The following TPPP3 variants were observed in gnomAD, a reference collection of about 807,000 sequenced individuals.
TPPP3 encodes the protein tubulin polymerization-promoting protein family member 3.
A neutral mutation model predicts 13.1 loss-of-function variants in TPPP3; 7 were observed. The observed-to-expected ratio is 0.54, with a 90% CI of 0.30 to 1.01. The LOEUF (loss-of-function observed/expected upper bound fraction) is 1.01, where lower values mean the gene tolerates loss of function less well. Among genes scored for constraint, TPPP3 ranks in the 50% least tolerant of loss-of-function variants. TPPP3 has a pLI of 0.06. For missense variants in TPPP3, 185 were observed against 235.0 expected, an observed-to-expected ratio of 0.79 and a Z score of 1.39; for synonymous variants, 87 against 93.7, an observed-to-expected ratio of 0.93 and a Z score of 0.41.
In TPPP3 at chr16:67,390,553, TC is replaced by T. The variant is rs746976818; in HGVS notation, c.267del (p.Lys90ArgfsTer33). 1 of 1,613,978 alleles carries T rather than the reference TC, an allele frequency of 6.2e-7. No individual in the cohort carries two copies. Among genetic ancestry groups the T allele is most frequent in the Non-Finnish European group, 8.5e-7 (1 of 1,180,010 alleles). On this transcript the variant is annotated frameshift_variant, in exon 3 of 4. Transcript: ENST00000393957. LOFTEE classifies it high-confidence loss of function. This position sits in a 1 kb window ranked among gnomAD's most constrained non-coding sequence, Gnocchi z 6.4. ...GCATCGAAGGCCTCCTCCTTGCTCTTCCCCTTGAATCTCTTGGTCGCCAGCT... is the reference window on the plus strand; with the variant it reads ...GCATCGAAGGCCTCCTCCTTGCTCTTCCCTTGAATCTCTTGGTCGCCAGCT... ...LEELATKRFK[G>X]KSKEEAFDAI...
In TPPP3 at chr16:67,392,817, TA is replaced by T; in HGVS notation, c.-7+562del. 1 of 287,406 alleles carries T rather than the reference TA, an allele frequency of 3.5e-6. No individual in the cohort carries two copies. The highest frequency in any genetic ancestry group is 5.2e-6 in the Non-Finnish European group (1 of 191,700). The allele number at this position is 287,406 out of a possible 1,614,324, so 17.8% of individuals were successfully genotyped here. A position where few individuals can be genotyped will look rare whatever the true frequency, so the allele number is the denominator to read the frequency against. ...TCGCCAGTGACCACACTCCCATCCC[TA>T]AGTGGCAGTTTCTGGGACTGTGAGC... On this transcript the variant is annotated intron_variant, in intron 1 of 3. Transcript: ENST00000393957. The surrounding 1 kb of genome is among the most constrained non-coding windows in gnomAD (Gnocchi z 4.9).
At position 67,391,216 on chromosome 16, in the gene TPPP3, G is replaced by A; in HGVS notation, c.-6-99C>T. ...TCTACCTCAAACCTGCAAGACCTGG[G>A]CAGGTTCTGCTACAGAGTTGGTGCT... On this transcript the variant is annotated intron_variant, in intron 1 of 3. Coordinates refer to ENST00000393957, the MANE Select transcript of TPPP3 (RefSeq NM_015964.4). The surrounding 1 kb of genome is among the most constrained non-coding windows in gnomAD (Gnocchi z 6.3). The A allele has an allele frequency of 1.6e-6, 2 of 1,258,692 alleles. No individual in the cohort carries two copies. The highest frequency in any genetic ancestry group is 1.4e-5 in the South Asian group (1 of 71,160). 78.0% of individuals were successfully genotyped at this position (1,258,692 alleles called of 1,614,324 possible). A position where few individuals can be genotyped will look rare whatever the true frequency, so the allele number is the denominator to read the frequency against.
In TPPP3 at chr16:67,390,763, G is replaced by A; in HGVS notation, c.189-131C>T. 6.9e-7 allele frequency: 1 copy of A among 1,448,252 alleles called. No homozygotes were observed. Among genetic ancestry groups the A allele is most frequent in the Non-Finnish European group, 9.2e-7 (1 of 1,081,810 alleles). The allele number at this position is 1,448,252 out of a possible 1,614,324, so 89.7% of individuals were successfully genotyped here. On this transcript the variant is annotated intron_variant, in intron 2 of 3. Coordinates refer to ENST00000393957, the MANE Select transcript of TPPP3 (RefSeq NM_015964.4). This position sits in a 1 kb window ranked among gnomAD's most constrained non-coding sequence, Gnocchi z 6.4. ...TCCCACGTTTGGGGAAGTCGCAGGG[G>A]TCAGCAACTCTGGAGGGCAATAGAT...
At position 67,390,711 on chromosome 16, in the gene TPPP3, A is replaced by C; in HGVS notation, c.189-79T>G. ...GGAAAGCTCAAACACATTTGCTGCC[A>C]CCACAAATTATGCAATTGCGTTTCT... On this transcript the variant is annotated intron_variant, in intron 2 of 3. Transcript: ENST00000393957. The surrounding 1 kb of genome is among the most constrained non-coding windows in gnomAD (Gnocchi z 6.4). 3 of 1,535,548 alleles carry C rather than the reference A, an allele frequency of 2.0e-6. No individual in the cohort carries two copies. The South Asian group carries it at 3.8e-5, about 19-fold the overall frequency.
Position 67,390,635 on chromosome 16 carries a change from G to C in TPPP3, c.189-3C>G. The C allele has an allele frequency of 6.2e-7, 1 of 1,611,538 alleles. No individual in the cohort carries two copies. The highest frequency in any genetic ancestry group is 8.5e-7 in the Non-Finnish European group (1 of 1,179,486). On this transcript the variant is annotated splice_region_variant and splice_polypyrimidine_tract_variant and intron_variant, in intron 2 of 3. Coordinates refer to ENST00000393957, the MANE Select transcript of TPPP3 (RefSeq NM_015964.4). The surrounding 1 kb of genome is among the most constrained non-coding windows in gnomAD (Gnocchi z 6.4). ...TGATGACCCGAGCAGACTTCCCCCTGACAGGCATGTGGGCACCATGAGGGT... is the reference window on the plus strand; with the variant it reads ...TGATGACCCGAGCAGACTTCCCCCTCACAGGCATGTGGGCACCATGAGGGT...
In TPPP3 at chr16:67,391,572, A is replaced by C. The variant is rs574103504; in HGVS notation, c.-6-455T>G. 1.1e-5 allele frequency: 2 copies of C among 177,482 alleles called. No homozygotes were observed. Among genetic ancestry groups the C allele is most frequent in the East Asian group, 3.1e-4 (2 of 6,354 alleles). The allele number at this position is 177,482 out of a possible 1,614,324, so 11.0% of individuals were successfully genotyped here. On this transcript the variant is annotated intron_variant, in intron 1 of 3. Coordinates refer to ENST00000393957, the MANE Select transcript of TPPP3 (RefSeq NM_015964.4). This position sits in a 1 kb window ranked among gnomAD's most constrained non-coding sequence, Gnocchi z 6.3. ...CTGGTCGGGCAGGCATTCAGTGAGGACAGCATCTCTGTAAGGGTCATGAGG... is the reference window on the plus strand; with the variant it reads ...CTGGTCGGGCAGGCATTCAGTGAGGCCAGCATCTCTGTAAGGGTCATGAGG...
rs2040304190 is a variant in TPPP3, at chr16:67,389,950, T to C, written c.*224A>G. On this transcript the variant is annotated 3_prime_UTR_variant, in exon 4 of 4. Coordinates refer to ENST00000393957, the MANE Select transcript of TPPP3 (RefSeq NM_015964.4). ...GTCATGAGGCTACAGGCACAGACTG[T>C]CCCCAGGTGGACAGAAGTTGGAGCA... The C allele has an allele frequency of 1.7e-6, 1 of 578,658 alleles. No homozygotes were observed. 35.8% of individuals were successfully genotyped at this position (578,658 alleles called of 1,614,324 possible). A position where few individuals can be genotyped will look rare whatever the true frequency, so the allele number is the denominator to read the frequency against.
chr16:67,390,186 C>T lies in TPPP3; in HGVS notation c.519G>A (p.Lys173=), dbSNP rs1374761049. The T allele has an allele frequency of 1.2e-6, 2 of 1,614,130 alleles. No individual in the cohort carries two copies. Among genetic ancestry groups the T allele is most frequent in the East Asian group, 2.2e-5 (1 of 44,880 alleles). The part of the protein sequence containing the change: ...AYKNAGTYDA[K]VKK The stretch of plus-strand genomic sequence containing the variant: ...GTCTTCCCAAGCCTCACTTCTTCAC[C>T]TTGGCATCGTAGGTGCCTGCATTCT... Residue 173 remains lysine, a synonymous_variant, in exon 4 of 4, where the codon AAG becomes AAA. Coordinates refer to ENST00000393957, the MANE Select transcript of TPPP3 (RefSeq NM_015964.4). The surrounding 1 kb of genome is among the most constrained non-coding windows in gnomAD (Gnocchi z 6.4).
Position 67,393,122 on chromosome 16 carries a change from G to T in TPPP3, c.-7+258C>A. 1.3e-6 allele frequency: 1 copy of T among 785,634 alleles called. No individual in the cohort carries two copies. The highest frequency in any genetic ancestry group is 1.5e-6 in the Non-Finnish European group (1 of 647,186). The allele number at this position is 785,634 out of a possible 1,614,324, so 48.7% of individuals were successfully genotyped here. On this transcript the variant is annotated intron_variant, in intron 1 of 3. Coordinates refer to ENST00000393957, the MANE Select transcript of TPPP3 (RefSeq NM_015964.4). The surrounding 1 kb of genome is among the most constrained non-coding windows in gnomAD (Gnocchi z 5.4). ...AGGCCGCAGCCCCATGGGTCTGCAG[G>T]CCATGGATGGAGTGGCCACACCCGT...
rs2040324056 is a variant in TPPP3, at chr16:67,391,127, C to T, written c.-6-10G>A. On this transcript the variant is annotated splice_polypyrimidine_tract_variant and intron_variant, in intron 1 of 3. Transcript: ENST00000393957. This position sits in a 1 kb window ranked among gnomAD's most constrained non-coding sequence, Gnocchi z 6.3. Reference sequence around the variant, plus strand: ...TCGCTGCCATGCCACCCTATAGAGACCCACCTGGGTCATCTCCCAGCCAAT... The same window carrying T: ...TCGCTGCCATGCCACCCTATAGAGATCCACCTGGGTCATCTCCCAGCCAAT... 3.1e-6 allele frequency: 5 copies of T among 1,612,792 alleles called. No individual in the cohort carries two copies. The highest frequency in any genetic ancestry group is 4.2e-6 in the Non-Finnish European group (5 of 1,179,292).
At position 67,390,404 on chromosome 16, in the gene TPPP3, C is replaced by G. The variant is rs374842752; in HGVS notation, c.343-42G>C. On this transcript the variant is annotated intron_variant, in intron 3 of 3. Transcript: ENST00000393957. This position sits in a 1 kb window ranked among gnomAD's most constrained non-coding sequence, Gnocchi z 6.4. ...TCCCCAGGGGCACCTGATGAGGGAGCCCAGCCCTTCCCACCCACAGCCACG... is the reference window on the plus strand; with the variant it reads ...TCCCCAGGGGCACCTGATGAGGGAGGCCAGCCCTTCCCACCCACAGCCACG... 8.1e-6 allele frequency: 13 copies of G among 1,607,548 alleles called. No homozygotes were observed. Among genetic ancestry groups the G allele is most frequent in the Non-Finnish European group, 1.1e-5 (13 of 1,175,356 alleles).
chr16:67,390,837 G>A lies in TPPP3; in HGVS notation c.188+87C>T. The A allele has an allele frequency of 6.8e-7, 1 of 1,477,194 alleles. No individual in the cohort carries two copies. The allele number at this position is 1,477,194 out of a possible 1,614,324, so 91.5% of individuals were successfully genotyped here. A position where few individuals can be genotyped will look rare whatever the true frequency, so the allele number is the denominator to read the frequency against. On this transcript the variant is annotated intron_variant, in intron 2 of 3. Transcript: ENST00000393957. The surrounding 1 kb of genome is among the most constrained non-coding windows in gnomAD (Gnocchi z 6.4). Reference sequence around the variant, plus strand: ...ACCTTCGTGATCATGGTGTTTCCCTGACCCCTTCTTGATGTCCTCCCTGGT... The same window carrying A: ...ACCTTCGTGATCATGGTGTTTCCCTAACCCCTTCTTGATGTCCTCCCTGGT...
Position 67,393,297 on chromosome 16 carries a change from C to G in TPPP3, c.-7+83G>C. On this transcript the variant is annotated intron_variant, in intron 1 of 3. Coordinates refer to ENST00000393957, the MANE Select transcript of TPPP3 (RefSeq NM_015964.4). The surrounding 1 kb of genome is among the most constrained non-coding windows in gnomAD (Gnocchi z 5.4). ...GCTGGGACCGCCGGAGGTTGGGACC[C>G]TTTCCAGGCTGCTCCCCCCAACCCT... The G allele has an allele frequency of 1.0e-6, 1 of 981,976 alleles. No individual in the cohort carries two copies. Among genetic ancestry groups the G allele is most frequent in the Non-Finnish European group, 1.2e-6 (1 of 826,740 alleles). 60.8% of individuals were successfully genotyped at this position (981,976 alleles called of 1,614,324 possible).
chr16:67,390,851 G>A lies in TPPP3; in HGVS notation c.188+73C>T. 3.9e-6 allele frequency: 6 copies of A among 1,523,114 alleles called. No individual in the cohort carries two copies. Among genetic ancestry groups the A allele is most frequent in the South Asian group, 1.2e-5 (1 of 81,030 alleles). 94.3% of individuals were successfully genotyped at this position (1,523,114 alleles called of 1,614,324 possible). Reference sequence around the variant, plus strand: ...GGTGTTTCCCTGACCCCTTCTTGATGTCCTCCCTGGTTCCAGCCCCCCAGT... The same window carrying A: ...GGTGTTTCCCTGACCCCTTCTTGATATCCTCCCTGGTTCCAGCCCCCCAGT... On this transcript the variant is annotated intron_variant, in intron 2 of 3. Transcript: ENST00000393957. The surrounding 1 kb of genome is among the most constrained non-coding windows in gnomAD (Gnocchi z 6.4).
chr16:67,390,762 G>A lies in TPPP3; in HGVS notation c.189-130C>T, dbSNP rs2040317578. 1 of 1,449,438 alleles carries A rather than the reference G, an allele frequency of 6.9e-7. No homozygotes were observed. The highest frequency in any genetic ancestry group is 9.2e-7 in the Non-Finnish European group (1 of 1,082,484). 89.8% of individuals were successfully genotyped at this position (1,449,438 alleles called of 1,614,324 possible). ...TTCCCACGTTTGGGGAAGTCGCAGG[G>A]GTCAGCAACTCTGGAGGGCAATAGA... On this transcript the variant is annotated intron_variant, in intron 2 of 3. Coordinates refer to ENST00000393957, the MANE Select transcript of TPPP3 (RefSeq NM_015964.4). The surrounding 1 kb of genome is among the most constrained non-coding windows in gnomAD (Gnocchi z 6.4).
rs534712011 is a variant in TPPP3 at position 67,392,889 on chromosome 16, G to A, written c.-7+491C>T. The A allele has an allele frequency of 2.7e-5, 23 of 836,610 alleles. No homozygotes were observed. In the African/African-American group the frequency reaches 3.5e-4, roughly 13 times the overall value. The allele number at this position is 836,610 out of a possible 1,614,324, so 51.8% of individuals were successfully genotyped here. The stretch of plus-strand genomic sequence containing the variant: ...AGGGACCATAACCCCAGTCCACGCT[G>A]CACTCCCCTTCCCTTTCCCTGGGTG... On this transcript the variant is annotated intron_variant, in intron 1 of 3. Coordinates refer to ENST00000393957, the MANE Select transcript of TPPP3 (RefSeq NM_015964.4). This position sits in a 1 kb window ranked among gnomAD's most constrained non-coding sequence, Gnocchi z 4.9.
Position 67,390,870 on chromosome 16 carries a change from C to G in TPPP3, c.188+54G>C. 6.3e-7 allele frequency: 1 copy of G among 1,575,908 alleles called. No homozygotes were observed. Among genetic ancestry groups the G allele is most frequent in the Non-Finnish European group, 8.7e-7 (1 of 1,155,850 alleles). ...CTTGATGTCCTCCCTGGTTCCAGCC[C>G]CCCAGTTCCCCACCTCCTGGGAACA... On this transcript the variant is annotated intron_variant, in intron 2 of 3. Coordinates refer to ENST00000393957, the MANE Select transcript of TPPP3 (RefSeq NM_015964.4). This position sits in a 1 kb window ranked among gnomAD's most constrained non-coding sequence, Gnocchi z 6.4.
chr16:67,391,229 C>T lies in TPPP3; in HGVS notation c.-6-112G>A, dbSNP rs1165593807. The T allele has an allele frequency of 1.9e-5, 22 of 1,148,944 alleles. No individual in the cohort carries two copies. Among genetic ancestry groups the T allele is most frequent in the Non-Finnish European group, 2.6e-5 (21 of 814,234 alleles). 71.2% of individuals were successfully genotyped at this position (1,148,944 alleles called of 1,614,324 possible). A position where few individuals can be genotyped will look rare whatever the true frequency, so the allele number is the denominator to read the frequency against. On this transcript the variant is annotated intron_variant, in intron 1 of 3. Coordinates refer to ENST00000393957, the MANE Select transcript of TPPP3 (RefSeq NM_015964.4). This position sits in a 1 kb window ranked among gnomAD's most constrained non-coding sequence, Gnocchi z 6.3. ...TGCAAGACCTGGGCAGGTTCTGCTA[C>T]AGAGTTGGTGCTGGAGCTGCCTGGG...
rs968115961 is a variant in TPPP3, at chr16:67,393,022, C to G, written c.-7+358G>C. 1.1e-4 allele frequency: 106 copies of G among 985,370 alleles called. No individual in the cohort carries two copies. The highest frequency in any genetic ancestry group is 1.3e-4 in the Non-Finnish European group (104 of 829,980). The allele number at this position is 985,370 out of a possible 1,614,324, so 61.0% of individuals were successfully genotyped here. On this transcript the variant is annotated intron_variant, in intron 1 of 3. Coordinates refer to ENST00000393957, the MANE Select transcript of TPPP3 (RefSeq NM_015964.4). This position sits in a 1 kb window ranked among gnomAD's most constrained non-coding sequence, Gnocchi z 5.4. ...TGGCCCAAGCACTGGGCGGATCCTG[C>G]GTGCAGTGCTCACTCCTGTCCGTGG...
Sources: gnomAD v4.1 joint callset for allele counts on GRCh38, gnomAD v4.1.1 for gene constraint, Gnocchi (gnomAD v3.1) non-coding constraint, MANE v1.5 for transcripts, NCBI Gene and HGNC (gene_info 2026-07-23, HGNC 2026-07-21) for gene names.